Variants in PREX2 observed in about 807,000 individuals in gnomAD.
The protein encoded by PREX2 is phosphatidylinositol 3,4,5-trisphosphate-dependent Rac exchanger 2 protein.
PREX2 carries 107 observed loss-of-function variants against 203.2 expected under a neutral mutation model. The ratio of observed to expected loss-of-function variants is 0.53; its 90% confidence interval spans 0.45 to 0.62. PREX2 has a LOEUF of 0.62. Among genes scored for constraint, PREX2 ranks in the 20% least tolerant of loss-of-function variants. The pLI, the probability that PREX2 is intolerant of heterozygous loss-of-function variation, is 0.00. For missense variants in PREX2, 1,777 were observed against 1,955.9 expected, an observed-to-expected ratio of 0.91 and a Z score of 1.72; for synonymous variants, 672 against 663.6, an observed-to-expected ratio of 1.01 and a Z score of -0.19.
At chr8:68,029,174 G>C (rs758847442) in intron 5 of PREX2, among the ~76,000 whole-genome samples, 5 of 152,096 alleles carry the variant, frequency 3.3e-5, no homozygotes, top group Non-Finnish European at 7.4e-5. Context: ...TGTTATTTGT[G>C]GAGCTTGAAA....
chr8:68,192,378 T>C lies in PREX2; in HGVS notation c.4457T>C (p.Val1486Ala), dbSNP rs1185639048. Reference protein sequence around the residue: ...LNALDELYRLVASFIRSKRTA... With the variant: ...LNALDELYRLAASFIRSKRTA... ...GCTTTGGATGAACTTTACCGACTGG[T>C]AGCCTCGTTTATCAGATCCAAGCGC... The change falls in exon 37 of 40, where the codon GTA becomes GCA. Residue 1486 changes from valine (V) to alanine (A), a missense_variant. Physicochemically the swap from Val to Ala is moderately conservative, Grantham distance 64. Transcript: ENST00000288368. 2.5e-6 allele frequency: 4 copies of C among 1,612,196 alleles called. No homozygotes were observed. Among genetic ancestry groups the C allele is most frequent in the Non-Finnish European group, 3.4e-6 (4 of 1,178,764 alleles).
intron 35 of PREX2, among the ~76,000 whole-genome samples, chr8:68,178,475 GT>G (rs1021616663): frequency 8.0e-5 from 12 of 150,006 alleles, no homozygotes; most frequent in African/African-American, 2.4e-4. Context: ...GGGGTTGCTT[GT>G]TTTTTTTTCT....
chr8:68,094,178 C>G (rs945471357), intron 21 of PREX2, among the ~76,000 whole-genome samples: 2 of 152,170 alleles, frequency 1.3e-5, no homozygotes, highest in African/African-American at 4.8e-5. Context: ...GAGAGCTAGA[C>G]TGAAATACAG....
At chr8:68,105,158 T>C (rs779048558) in intron 23 of PREX2, 3 of 1,367,774 alleles carry the variant, frequency 2.2e-6, no homozygotes, top group Non-Finnish European at 2.9e-6. Flanking sequence ...CAGAAAGGTT[T>C]TACAATTTCA....
intron 30 of PREX2, 72 bp from the exon 31 acceptor site, chr8:68,127,306 C>A: frequency 8.4e-7 from 1 of 1,192,750 alleles, no homozygotes; most frequent in Non-Finnish European, 1.2e-6. Flanking sequence ...CTAATTTTGA[C>A]TACACAGTTA....
chr8:68,099,731 C>A lies in PREX2; in HGVS notation c.2603C>A (p.Thr868Asn). The change falls in exon 23 of 40, where the codon ACC becomes AAC. Residue 868 changes from threonine to asparagine, a missense_variant. By Grantham distance (65) the Thr-to-Asn change is moderately conservative. Coordinates refer to ENST00000288368, the MANE Select transcript of PREX2 (RefSeq NM_024870.4). ...KSDEHFVQNCTSLNSLNEVIP... is the reference protein window; with the variant it reads ...KSDEHFVQNCNSLNSLNEVIP... ...GATGAGCATTTTGTACAAAACTGTACCAGCCTAAATTCTCTAAATGAAGTG... is the reference window on the plus strand; with the variant it reads ...GATGAGCATTTTGTACAAAACTGTAACAGCCTAAATTCTCTAAATGAAGTG... The A allele has an allele frequency of 1.2e-6, 2 of 1,613,808 alleles. No homozygotes were observed. The highest frequency in any genetic ancestry group is 1.7e-6 in the Non-Finnish European group (2 of 1,179,932).
intron 7 of PREX2, among the ~76,000 whole-genome samples, chr8:68,043,190 A>G (rs1341092908): frequency 2.6e-5 from 4 of 152,154 alleles, no homozygotes; most frequent in African/African-American, 9.6e-5. Flanking sequence ...TTCCTAATTT[A>G]TAGCATTGAT....
At chr8:68,046,253 C>T (rs1478240046) in intron 8 of PREX2, among the ~76,000 whole-genome samples, 1 of 151,982 alleles carries the variant, frequency 6.6e-6, no homozygotes, top group African/African-American at 2.4e-5. Flanking sequence ...CTATTAGTGC[C>T]ATCTGCATTG....
intron 1 of PREX2, among the ~76,000 whole-genome samples, chr8:67,977,052 G>T (rs1191480754): frequency 6.6e-6 from 1 of 152,180 alleles, no homozygotes; most frequent in Non-Finnish European, 1.5e-5. Context: ...TTGAATGTTT[G>T]TCTCCCCCCT....
chr8:68,064,580 G>A (rs1043244009), intron 11 of PREX2, among the ~76,000 whole-genome samples: 3 of 151,180 alleles, frequency 2.0e-5, no homozygotes, highest in African/African-American at 7.3e-5. Flanking sequence ...GTCTTGTTAT[G>A]TTGACCAGGT....
chr8:67,981,784 G>A (rs1466177713), intron 1 of PREX2, among the ~76,000 whole-genome samples: 1 of 152,166 alleles, frequency 6.6e-6, no homozygotes, highest in East Asian at 1.9e-4. Context: ...GCACTTAGGA[G>A]CTCTGAAGCC....
chr8:68,075,356 T>C (rs1402947049), intron 14 of PREX2, among the ~76,000 whole-genome samples: 1 of 152,228 alleles, frequency 6.6e-6, no homozygotes, highest in Non-Finnish European at 1.5e-5. Context: ...AGCAAGTGCT[T>C]TGATGATAGA....
chr8:68,119,099 G>C (rs552559006), intron 27 of PREX2, among the ~76,000 whole-genome samples: 2 of 152,290 alleles, frequency 1.3e-5, no homozygotes, highest in East Asian at 3.9e-4. Context: ...ATTATCTTGT[G>C]TGTGTTAAGA....
chr8:68,146,644 C>A (rs370692922), intron 34 of PREX2, among the ~76,000 whole-genome samples: 1 of 151,980 alleles, frequency 6.6e-6, no homozygotes, highest in East Asian at 1.9e-4. Flanking sequence ...ATGGTAAAAT[C>A]ATTACAGTTT....
intron 37 of PREX2, among the ~76,000 whole-genome samples, chr8:68,214,652 C>T (rs2129615221): frequency 6.6e-6 from 1 of 152,284 alleles, no homozygotes; most frequent in Middle Eastern, 3.4e-3. Context: ...TGATTTTTTC[C>T]ACTTGACATT....
intron 23 of PREX2, chr8:68,105,088 C>A: frequency 1.5e-6 from 2 of 1,336,538 alleles, no homozygotes; most frequent in Non-Finnish European, 2.0e-6. Flanking sequence ...TCAGGATGTT[C>A]TCATGCATGA....
Position 68,231,597 on chromosome 8 carries a change from G to A in PREX2, c.*219G>A, listed in dbSNP as rs1464133105. The stretch of plus-strand genomic sequence containing the variant: ...GTTCAATCAGACAGTTCAGCTTCAC[G>A]AACTGATGTCTCTCTGTATTGACAT... On this transcript the variant is annotated 3_prime_UTR_variant, in exon 40 of 40. Coordinates refer to ENST00000288368, the MANE Select transcript of PREX2 (RefSeq NM_024870.4). 2 of 396,512 alleles carry A rather than the reference G, an allele frequency of 5.0e-6. No homozygotes were observed. Among genetic ancestry groups the A allele is most frequent in the Non-Finnish European group, 8.9e-6 (2 of 225,824 alleles). The allele number at this position is 396,512 out of a possible 1,614,324, so 24.6% of individuals were successfully genotyped here.
At chr8:68,071,404 T>C (rs781246362) in intron 13 of PREX2, among the ~76,000 whole-genome samples, 3 of 152,194 alleles carry the variant, frequency 2.0e-5, no homozygotes, top group Non-Finnish European at 4.4e-5. Flanking sequence ...ACGATGCTTA[T>C]GGAAAACAAG....
intron 23 of PREX2, among the ~76,000 whole-genome samples, chr8:68,100,392 C>T (rs1377496056): frequency 6.6e-6 from 1 of 152,122 alleles, no homozygotes; most frequent in African/African-American, 2.4e-5. Flanking sequence ...GTGGGAGAGA[C>T]AGCAAGTAAG....
Sources: gnomAD v4.1 joint callset for allele counts (sites outside exome capture counted in the v4.1 genomes callset) on GRCh38, gnomAD v4.1.1 for gene constraint, MANE v1.5 for transcripts, NCBI Gene and HGNC (gene_info 2026-07-23, HGNC 2026-07-21) for gene names.